Variants in CYP4V2 observed in about 807,000 individuals in gnomAD.
CYP4V2 encodes cytochrome P450 family 4 subfamily V member 2.
In CYP4V2, 55 loss-of-function variants were observed where a neutral mutation model predicts 60.8. The ratio of observed to expected loss-of-function variants is 0.90; its 90% CI spans 0.73 to 1.13. The LOEUF (loss-of-function observed/expected upper bound fraction) is 1.13, where lower values mean the gene tolerates loss of function less well. Among genes scored for constraint, CYP4V2 ranks in the 50% most tolerant of loss-of-function variants. The pLI, the probability that CYP4V2 is intolerant of heterozygous loss-of-function variation, is 0.00. For synonymous variants in CYP4V2, 239 were observed against 236.8 expected (o/e 1.01, Z -0.08); for missense variants, 675 against 662.9 (o/e 1.02, Z -0.20).
Position 186,199,071 on chromosome 4 carries a change from T to C in CYP4V2, c.789T>C (p.Thr263=). Residue 263 remains threonine (T), a synonymous_variant, in exon 6 of 11, where the codon ACT becomes ACC. Transcript: ENST00000378802. The part of the protein sequence containing the change: ...EHKKSLQILH[T]FTNSVIAERA... The stretch of plus-strand genomic sequence containing the variant: ...AAAAGAGCCTTCAGATCCTACATAC[T>C]TTTACCAACAGTGTAAGTCCCTGAC... 1 of 1,613,642 alleles carries C rather than the reference T, an allele frequency of 6.2e-7. No homozygotes were observed. The highest frequency in any genetic ancestry group is 8.5e-7 in the Non-Finnish European group (1 of 1,179,568).
intron 5 of CYP4V2, 33 bp from the exon 6 acceptor site, chr4:186,198,924 A>G (rs1238792472): frequency 1.2e-6 from 2 of 1,613,538 alleles, no homozygotes; most frequent in East Asian, 2.2e-5. Flanking sequence ...CATTTCTGAT[A>G]CAACAGCTGA....
At chr4:186,197,647 A>T in intron 5 of CYP4V2, 45 bp downstream of exon 5, 1 of 1,592,250 alleles carries the variant, frequency 6.3e-7, no homozygotes, top group Non-Finnish European at 8.6e-7. Context: ...TTATTGATTT[A>T]GGCTTTAAAA....
chr4:186,198,174 T>A (rs1291212645), intron 5 of CYP4V2, among the ~76,000 whole-genome samples: 1 of 152,164 alleles, frequency 6.6e-6, no homozygotes, highest in Non-Finnish European at 1.5e-5. Flanking sequence ...TTGAGCTGAG[T>A]ATATTTAAGT....
chr4:186,205,119 C>A, intron 7 of CYP4V2, 81 bp from the exon 8 acceptor site: 1 of 1,295,736 alleles, frequency 7.7e-7, no homozygotes, highest in Non-Finnish European at 1.1e-6. Context: ...AATCCAGAGA[C>A]AATTCAAAAG....
intron 7 of CYP4V2, chr4:186,203,163 TATATG>T (rs1391719542): frequency 1.6e-5 from 1 of 63,566 alleles, no homozygotes; most frequent in African/African-American, 5.0e-5. Context: ...CACACATTCA[TATATG>T]TGCACAACCC....
intron 8 of CYP4V2, 85 bp from the exon 9 acceptor site, chr4:186,208,780 C>T: frequency 1.9e-6 from 3 of 1,585,160 alleles, no homozygotes; most frequent in Non-Finnish European, 2.6e-6. Context: ...GCATGCCATG[C>T]CTTGATCCAC....
intron 1 of CYP4V2, chr4:186,192,285 G>C (rs745821630): frequency 4.3e-6 from 3 of 696,748 alleles, no homozygotes; most frequent in African/African-American, 1.8e-5. Flanking sequence ...CCCTGCCCTC[G>C]GTCTTTTCCC....
intron 3 of CYP4V2, chr4:186,196,681 A>G (rs1332322378): frequency 4.7e-6 from 2 of 424,162 alleles, no homozygotes; most frequent in African/African-American, 4.1e-5. Flanking sequence ...AAATTTTTCA[A>G]TTTTATGAAT....
chr4:186,193,525 AT>A (rs1736053738), intron 1 of CYP4V2, among the ~76,000 whole-genome samples: 1 of 152,230 alleles, frequency 6.6e-6, no homozygotes, highest in Non-Finnish European at 1.5e-5. Context: ...TTGAGAAATT[AT>A]TTAAAACTCT....
In CYP4V2 at chr4:186,191,719, G is replaced by A; in HGVS notation, c.-105G>A. The A allele has an allele frequency of 8.9e-7, 1 of 1,117,916 alleles. No individual in the cohort carries two copies. Among genetic ancestry groups the A allele is most frequent in the South Asian group, 3.1e-5 (1 of 32,330 alleles). The allele number at this position is 1,117,916 out of a possible 1,614,324, so 69.2% of individuals were successfully genotyped here. A position where few individuals can be genotyped will look rare whatever the true frequency, so the allele number is the denominator to read the frequency against. The stretch of plus-strand genomic sequence containing the variant: ...CGACCCCGCAGCGGGGAGCGCGCCA[G>A]GTCCGCGCGGGGAAGTGGGCGGTGT... On this transcript the variant is annotated 5_prime_UTR_variant, in exon 1 of 11. Transcript: ENST00000378802.
At position 186,197,027 on chromosome 4, in the gene CYP4V2, T is replaced by C; in HGVS notation, c.501T>C (p.Asn167=). The C allele has an allele frequency of 6.2e-7, 1 of 1,613,874 alleles. No homozygotes were observed. The highest frequency in any genetic ancestry group is 8.5e-7 in the Non-Finnish European group (1 of 1,180,020). ...TGGAAGATTTCTTAGATATCATGAA[T>C]GAACAAGCAAATATATTGGTTAAGA... ...TILEDFLDIM[N]EQANILVKKL... Residue 167 remains asparagine (N), a synonymous_variant, in exon 4 of 11, where the codon AAT becomes AAC. Transcript: ENST00000378802.
In CYP4V2 at chr4:186,197,079, G is replaced by A; in HGVS notation, c.553G>A (p.Ala185Thr). Residue 185 changes from alanine to threonine, a missense_variant, in exon 4 of 11, where the codon GCA (alanine) becomes ACA (threonine). Transcript: ENST00000378802. ...KKLEKHINQEAFNCFFYITLC... is the reference protein window; with the variant it reads ...KKLEKHINQETFNCFFYITLC... ...ACTTGAAAAACACATTAACCAAGAA[G>A]CATTTAACTGCTTTTTTTACATCAC... 2.5e-6 allele frequency: 4 copies of A among 1,613,880 alleles called. No homozygotes were observed. The highest frequency in any genetic ancestry group is 3.4e-6 in the Non-Finnish European group (4 of 1,179,986).
rs1218463537 is a variant in CYP4V2, at chr4:186,208,999, G to A, written c.1225G>A (p.Ala409Thr). Residue 409 changes from alanine (A) to threonine (T), a missense_variant and splice_region_variant, in exon 9 of 11, where the codon GCA (alanine) becomes ACA (threonine). Physicochemically the swap from Ala to Thr is moderately conservative, Grantham distance 58 (BLOSUM62 0). Coordinates refer to ENST00000378802, the MANE Select transcript of CYP4V2 (RefSeq NM_207352.4). ...TAGTGTTAGTGAAGATTGTGAAGTGGGTAAGTATGCTATACCTAAAGTAGA... is the reference window on the plus strand; with the variant it reads ...TAGTGTTAGTGAAGATTGTGAAGTGAGTAAGTATGCTATACCTAAAGTAGA... ...ARSVSEDCEV[A>T]GYRVLKGTEA... 6.2e-7 allele frequency: 1 copy of A among 1,614,106 alleles called. No homozygotes were observed. The highest frequency in any genetic ancestry group is 2.2e-5 in the East Asian group (1 of 44,886).
chr4:186,201,724 T>A (rs1736309927), intron 7 of CYP4V2: 2 of 248,738 alleles, frequency 8.0e-6, no homozygotes, highest in Non-Finnish European at 1.6e-5. Context: ...TTCCAGCAGA[T>A]GAGCACTTAG....
chr4:186,209,174 C>T lies in CYP4V2; in HGVS notation c.1307C>T (p.Pro436Leu), dbSNP rs1736630310. Reference protein sequence around the residue: ...LHRDPRYFPNPEEFQPERFFP... With the variant: ...LHRDPRYFPNLEEFQPERFFP... ...AGAGATCCGAGATACTTCCCCAACC[C>T]CGAGGAGTTCCAGCCTGAGCGGTTC... The change falls in exon 10 of 11, where the codon CCC (proline) becomes CTC (leucine). Residue 436 changes from proline to leucine, a missense_variant. Pro to Leu is a moderately conservative substitution (Grantham distance 98). Coordinates refer to ENST00000378802, the MANE Select transcript of CYP4V2 (RefSeq NM_207352.4). 1 of 1,613,994 alleles carries T rather than the reference C, an allele frequency of 6.2e-7. No homozygotes were observed. Among genetic ancestry groups the T allele is most frequent in the Admixed American group, 1.7e-5 (1 of 60,004 alleles).
In CYP4V2 at chr4:186,197,083, TTAA is replaced by T; in HGVS notation, c.558_560del (p.Asn187del). 6 of 1,613,940 alleles carry T rather than the reference TTAA, an allele frequency of 3.7e-6. No homozygotes were observed. The highest frequency in any genetic ancestry group is 5.1e-6 in the Non-Finnish European group (6 of 1,180,016). ...GAAAAACACATTAACCAAGAAGCAT[TTAA>T]CTGCTTTTTTTACATCACTCTTTGT... On this transcript the variant is annotated inframe_deletion, in exon 4 of 11. Coordinates refer to ENST00000378802, the MANE Select transcript of CYP4V2 (RefSeq NM_207352.4).
chr4:186,212,214 C>G lies in CYP4V2; in HGVS notation c.*1573C>G, dbSNP rs1381438251. On this transcript the variant is annotated 3_prime_UTR_variant, in exon 11 of 11. Transcript: ENST00000378802. The stretch of plus-strand genomic sequence containing the variant: ...CAATATGCTATAGCTTTATGGAACT[C>G]AGGGTGATGATCAGACGTGTCATTA... The G allele has an allele frequency of 6.6e-6, 1 of 152,158 alleles. No homozygotes were observed. The highest frequency in any genetic ancestry group is 1.5e-5 in the Non-Finnish European group (1 of 68,026). 9.4% of individuals were successfully genotyped at this position (152,158 alleles called of 1,614,324 possible).
intron 1 of CYP4V2, among the ~76,000 whole-genome samples, chr4:186,193,413 G>T (rs962835652): frequency 7.2e-5 from 11 of 152,164 alleles, no homozygotes; most frequent in African/African-American, 2.7e-4. Context: ...AGACAATGAC[G>T]AATACTGTCT....
At chr4:186,193,342 A>C (rs1300950574) in intron 1 of CYP4V2, among the ~76,000 whole-genome samples, 1 of 152,224 alleles carries the variant, frequency 6.6e-6, no homozygotes, top group African/African-American at 2.4e-5. Flanking sequence ...CTGTTTCAAA[A>C]CAACCTGTGA....
Sources: allele counts gnomAD v4.1 joint callset (sites outside exome capture counted in the v4.1 genomes callset), GRCh38; gene constraint gnomAD v4.1.1; transcripts MANE v1.5; gene names NCBI Gene and HGNC (gene_info 2026-07-23, HGNC 2026-07-21).